PRKAR2A: variants seen among roughly 807,000 people sequenced by gnomAD.
PRKAR2A encodes the protein cAMP-dependent protein kinase type II-alpha regulatory subunit.
Under a neutral mutation model 51.9 loss-of-function variants are expected in PRKAR2A, and 29 were observed. The ratio of observed to expected loss-of-function variants is 0.56; its 90% CI spans 0.42 to 0.76. PRKAR2A has a LOEUF of 0.76. PRKAR2A is among the 30% of genes least tolerant of loss of function. The pLI is 0.00. For synonymous variants in PRKAR2A, 178 were observed against 186.2 expected (o/e 0.96, Z 0.36); for missense variants, 445 against 512.1 (o/e 0.87, Z 1.26).
intron 3 of PRKAR2A, among the ~76,000 whole-genome samples, chr3:48,792,521 G>A (rs572312215): frequency 7.1e-6 from 1 of 141,508 alleles, no homozygotes; most frequent in South Asian, 2.3e-4. Flanking sequence ...GAGTGCAGTG[G>A]CGTGATCTCA....
At chr3:48,846,822 G>A (rs2083470830) in intron 1 of PRKAR2A, among the ~76,000 whole-genome samples, 1 of 152,208 alleles carries the variant, frequency 6.6e-6, no homozygotes, top group Non-Finnish European at 1.5e-5. Context: ...AAGAAAAAAG[G>A]TATGGATGAA....
At chr3:48,780,858 T>C (rs1307513891) in intron 5 of PRKAR2A, among the ~76,000 whole-genome samples, 2 of 152,314 alleles carry the variant, frequency 1.3e-5, no homozygotes, top group South Asian at 2.1e-4. Flanking sequence ...TAAATGTTAA[T>C]TTGTGTTTTT....
chr3:48,770,947 C>T (rs752370842), intron 6 of PRKAR2A, among the ~76,000 whole-genome samples: 4 of 152,116 alleles, frequency 2.6e-5, no homozygotes, highest in South Asian at 2.1e-4. Flanking sequence ...GTTATTTGGC[C>T]GGGTGCGGTG....
intron 9 of PRKAR2A, among the ~76,000 whole-genome samples, chr3:48,754,926 AAGAG>A (rs985601802): frequency 4.9e-4 from 75 of 151,550 alleles, no homozygotes; most frequent in African/African-American, 1.6e-3. Context: ...AAAAAAAAAA[AAGAG>A]AGAGAGAGAA....
intron 1 of PRKAR2A, among the ~76,000 whole-genome samples, chr3:48,830,102 C>G (rs928547305): frequency 1.3e-5 from 2 of 150,968 alleles, no homozygotes; most frequent in African/African-American, 4.9e-5. Flanking sequence ...GCTCGAGAGG[C>G]TGGGGCAAGG....
chr3:48,795,151 T>A (rs2082470157), intron 2 of PRKAR2A, among the ~76,000 whole-genome samples: 1 of 152,118 alleles, frequency 6.6e-6, no homozygotes, highest in South Asian at 2.1e-4. Flanking sequence ...TAATTTTCTT[T>A]ATTTTTAGTA....
intron 3 of PRKAR2A, among the ~76,000 whole-genome samples, chr3:48,792,149 GT>G (rs1193056517): frequency 4.1e-5 from 6 of 146,962 alleles, no homozygotes; most frequent in Non-Finnish European, 6.0e-5. Flanking sequence ...TAAAGTTTTG[GT>G]TTTTTTTTTG....
At chr3:48,807,512 A>G in intron 2 of PRKAR2A, 137 bp downstream of exon 2, 1 of 679,558 alleles carries the variant, frequency 1.5e-6, no homozygotes, top group Non-Finnish European at 2.5e-6. Flanking sequence ...AACAGAATAA[A>G]GAAACCATAG....
rs998458403 is a variant in PRKAR2A, at chr3:48,748,906, A to T, written c.*2679T>A. 1.3e-5 allele frequency: 2 copies of T among 152,258 alleles called. No homozygotes were observed. The highest frequency in any genetic ancestry group is 4.8e-5 in the African/African-American group (2 of 41,472). The allele number at this position is 152,258 out of a possible 1,614,324, so 9.4% of individuals were successfully genotyped here. ...TTTGGAAAGCTGCAATGTAGGCTACAGAGGGCAGTCTGAAAAGAGTCCTTC... is the reference window on the plus strand; with the variant it reads ...TTTGGAAAGCTGCAATGTAGGCTACTGAGGGCAGTCTGAAAAGAGTCCTTC... On this transcript the variant is annotated 3_prime_UTR_variant, in exon 11 of 11. Transcript: ENST00000265563.
At chr3:48,834,209 G>A (rs1360074483) in intron 1 of PRKAR2A, among the ~76,000 whole-genome samples, 2 of 152,012 alleles carry the variant, frequency 1.3e-5, no homozygotes, top group African/African-American at 4.8e-5. Context: ...AATAAGTGGA[G>A]GTCAGGGTCC....
intron 3 of PRKAR2A, 143 bp from the exon 4 acceptor site, chr3:48,790,770 T>C: frequency 1.9e-6 from 1 of 529,498 alleles, no homozygotes; most frequent in African/African-American, 2.0e-5. Context: ...AATATCAAGC[T>C]GCATGCTAAA....
intron 1 of PRKAR2A, among the ~76,000 whole-genome samples, chr3:48,839,565 A>G (rs2083343637): frequency 6.6e-6 from 1 of 152,148 alleles, no homozygotes; most frequent in South Asian, 2.1e-4. Context: ...AATACGCATT[A>G]TAATACTTTA....
chr3:48,777,853 T>C (rs1215791620), intron 5 of PRKAR2A, among the ~76,000 whole-genome samples: 3 of 152,136 alleles, frequency 2.0e-5, no homozygotes, highest in Non-Finnish European at 4.4e-5. Context: ...AGCTGACCTG[T>C]CCTAGGCCTT....
chr3:48,840,145 T>C (rs1453783085), intron 1 of PRKAR2A, among the ~76,000 whole-genome samples: 1 of 152,162 alleles, frequency 6.6e-6, no homozygotes, highest in Non-Finnish European at 1.5e-5. Context: ...TCTGGCTCAT[T>C]TCATTTAGGA....
Position 48,756,307 on chromosome 3 carries a change from ACACTT to A in PRKAR2A, c.939+67_939+71del. The A allele has an allele frequency of 3.0e-6, 4 of 1,355,634 alleles. No individual in the cohort carries two copies. In the South Asian group the frequency reaches 4.7e-5, roughly 16 times the overall value. The allele number at this position is 1,355,634 out of a possible 1,614,324, so 84.0% of individuals were successfully genotyped here. A position where few individuals can be genotyped will look rare whatever the true frequency, so the allele number is the denominator to read the frequency against. ...ACAATGATGGTTTGGTGTATTCAAC[ACACTT>A]CACATTATTTAAAACAAATAGTTAC... On this transcript the variant is annotated intron_variant, in intron 9 of 10. Transcript: ENST00000265563.
At chr3:48,820,873 C>G (rs1450311736) in intron 1 of PRKAR2A, among the ~76,000 whole-genome samples, 3 of 152,132 alleles carry the variant, frequency 2.0e-5, no homozygotes, top group Non-Finnish European at 4.4e-5. Context: ...TCTCCAGACC[C>G]ACATTCCCAA....
chr3:48,786,518 C>T (rs959295352), intron 4 of PRKAR2A, among the ~76,000 whole-genome samples: 2 of 150,116 alleles, frequency 1.3e-5, no homozygotes, highest in Non-Finnish European at 3.0e-5. Context: ...AACTTGGGGG[C>T]CGGGCGCGGT....
At chr3:48,778,153 G>A (rs886790184) in intron 5 of PRKAR2A, among the ~76,000 whole-genome samples, 4 of 151,970 alleles carry the variant, frequency 2.6e-5, no homozygotes, top group Non-Finnish European at 4.4e-5. Flanking sequence ...TTACTTGAAC[G>A]ACAATCTTTC....
intron 5 of PRKAR2A, among the ~76,000 whole-genome samples, chr3:48,774,344 A>G (rs1396700755): frequency 6.6e-6 from 1 of 151,938 alleles, no homozygotes; most frequent in Non-Finnish European, 1.5e-5. Flanking sequence ...TTGTCACCCA[A>G]GTATAGTCAC....
Sources: allele counts gnomAD v4.1 joint callset (sites outside exome capture counted in the v4.1 genomes callset), GRCh38; gene constraint gnomAD v4.1.1; transcripts MANE v1.5; gene names NCBI Gene and HGNC (gene_info 2026-07-23, HGNC 2026-07-21).